The following LRRN3 variants were observed in gnomAD, a reference collection of about 807,000 sequenced individuals.
The protein encoded by LRRN3 is leucine rich repeat neuronal 3, also known as leucine-rich repeat neuronal protein 3.
A neutral mutation model predicts 40.1 loss-of-function variants in LRRN3; 15 were observed. That is an observed-to-expected ratio of 0.37 (90% CI 0.25 to 0.58). The LOEUF is 0.58. Ranked by LOEUF, LRRN3 falls within the 20% of genes least tolerant of loss-of-function variation. The pLI is 0.72. For synonymous variants in LRRN3, 308 were observed against 297.2 expected (o/e 1.04, Z -0.37); for missense variants, 746 against 837.7 (o/e 0.89, Z 1.35).
At chr7:111,092,365 T>C (rs1468910030) in intron 1 of LRRN3, among the ~76,000 whole-genome samples, 1 of 152,228 alleles carries the variant, frequency 6.6e-6, no homozygotes, top group Non-Finnish European at 1.5e-5. Context: ...CTATATTCCC[T>C]TTGCTGTTGT....
chr7:111,108,604 G>C (rs1354125919), intron 2 of LRRN3, among the ~76,000 whole-genome samples: 1 of 152,060 alleles, frequency 6.6e-6, no homozygotes, highest in Non-Finnish European at 1.5e-5. Context: ...TGGCTTAGAA[G>C]AAATTTATGA....
At chr7:111,106,942 C>T (rs1798614493) in intron 2 of LRRN3, among the ~76,000 whole-genome samples, 1 of 151,654 alleles carries the variant, frequency 6.6e-6, no homozygotes, top group Non-Finnish European at 1.5e-5. Context: ...AATAGCATTT[C>T]TAATATGTTA....
chr7:111,097,796 T>A (rs552935082), intron 1 of LRRN3, among the ~76,000 whole-genome samples: 1 of 151,986 alleles, frequency 6.6e-6, no homozygotes, highest in African/African-American at 2.4e-5. Flanking sequence ...GTATTCAACA[T>A]CTGTAGAATA....
At chr7:111,119,585 G>C (rs1800334811) in intron 2 of LRRN3, among the ~76,000 whole-genome samples, 1 of 152,140 alleles carries the variant, frequency 6.6e-6, no homozygotes, top group Admixed American at 6.6e-5. Context: ...ACACAAATTT[G>C]ATGTTAGTAA....
At position 111,124,628 on chromosome 7, in the gene LRRN3, A is replaced by G. The variant is rs138336165; in HGVS notation, c.1856A>G (p.Lys619Arg). Residue 619 changes from lysine to arginine, a missense_variant, in exon 3 of 3, where the codon AAA becomes AGA. Coordinates refer to ENST00000308478, the MANE Select transcript of LRRN3 (RefSeq NM_001099658.2). ...VTTKGLHPDQ[K>R]EYEKNNTTTL... ...ACCAAAGGTTTGCACCCTGATCAAA[A>G]AGAGTATGAAAAGAATAATACCACA... 13 of 1,613,922 alleles carry G rather than the reference A, an allele frequency of 8.1e-6. No individual in the cohort carries two copies. In the African/African-American group the frequency reaches 1.7e-4, roughly 22 times the overall value.
chr7:111,119,497 G>T (rs1800319607), intron 2 of LRRN3, among the ~76,000 whole-genome samples: 1 of 152,150 alleles, frequency 6.6e-6, no homozygotes, highest in African/African-American at 2.4e-5. Context: ...AGATATAATA[G>T]ATTAACTTTT....
At chr7:111,119,141 A>C (rs1800266994) in intron 2 of LRRN3, among the ~76,000 whole-genome samples, 1 of 152,192 alleles carries the variant, frequency 6.6e-6, no homozygotes, top group Non-Finnish European at 1.5e-5. Context: ...AGCAGACCTA[A>C]CGAATTAATT....
At chr7:111,094,695 T>G (rs1355483191) in intron 1 of LRRN3, among the ~76,000 whole-genome samples, 1 of 152,124 alleles carries the variant, frequency 6.6e-6, no homozygotes, top group African/African-American at 2.4e-5. Context: ...GCTCAGGGAA[T>G]TCCTCTCCTC....
intron 2 of LRRN3, among the ~76,000 whole-genome samples, chr7:111,117,376 T>A (rs997348095): frequency 6.6e-6 from 1 of 152,042 alleles, no homozygotes; most frequent in Non-Finnish European, 1.5e-5. Context: ...GAAAGTGAGG[T>A]ATCCTGTCCC....
At chr7:111,098,886 C>T (rs2129579500) in intron 1 of LRRN3, among the ~76,000 whole-genome samples, 1 of 151,816 alleles carries the variant, frequency 6.6e-6, no homozygotes, top group East Asian at 1.9e-4. Flanking sequence ...TATCGCCTTC[C>T]AAGAGTCAGA....
At chr7:111,106,780 C>T (rs1276775905) in intron 2 of LRRN3, among the ~76,000 whole-genome samples, 2 of 149,164 alleles carry the variant, frequency 1.3e-5, no homozygotes. Flanking sequence ...TTCTGCTGTA[C>T]CATTTAATCA....
chr7:111,106,052 A>G (rs1798512975), intron 2 of LRRN3, among the ~76,000 whole-genome samples: 1 of 152,028 alleles, frequency 6.6e-6, no homozygotes, highest in Non-Finnish European at 1.5e-5. Context: ...TATTTGTAAT[A>G]TCACAGTAAC....
Position 111,124,550 on chromosome 7 carries a change from T to C in LRRN3, c.1778T>C (p.Ile593Thr). The C allele has an allele frequency of 1.9e-6, 3 of 1,613,680 alleles. No individual in the cohort carries two copies. The highest frequency in any genetic ancestry group is 2.5e-6 in the Non-Finnish European group (3 of 1,179,804). The change falls in exon 3 of 3, where the codon ATT (isoleucine) becomes ACT (threonine). Residue 593 changes from isoleucine (I) to threonine (T), a missense_variant. Physicochemically the swap from Ile to Thr is moderately conservative, Grantham distance 89. Transcript: ENST00000308478. ...LNPSTEYKIC[I>T]DIPTIYQKNR... ...CCATCAACTGAGTATAAAATTTGTA[T>C]TGATATTCCCACCATCTATCAGAAA...
intron 2 of LRRN3, among the ~76,000 whole-genome samples, chr7:111,107,596 C>A (rs961589458): frequency 1.3e-5 from 2 of 152,078 alleles, no homozygotes; most frequent in Non-Finnish European, 2.9e-5. Context: ...TTTACTTTAT[C>A]TGAATAGAAT....
intron 2 of LRRN3, among the ~76,000 whole-genome samples, chr7:111,118,864 C>A (rs1800230962): frequency 6.6e-6 from 1 of 152,152 alleles, no homozygotes; most frequent in South Asian, 2.1e-4. Flanking sequence ...AATATGCTCA[C>A]CACTATAAAC....
chr7:111,091,241 G>A lies in LRRN3; in HGVS notation c.-704G>A, dbSNP rs1465163659. The A allele has an allele frequency of 6.6e-6, 1 of 152,198 alleles. No homozygotes were observed. Among genetic ancestry groups the A allele is most frequent in the African/African-American group, 2.4e-5 (1 of 41,454 alleles). 9.4% of individuals were successfully genotyped at this position (152,198 alleles called of 1,614,324 possible). A position where few individuals can be genotyped will look rare whatever the true frequency, so the allele number is the denominator to read the frequency against. On this transcript the variant is annotated 5_prime_UTR_variant, in exon 1 of 3. Coordinates refer to ENST00000308478, the MANE Select transcript of LRRN3 (RefSeq NM_001099658.2). ...ACTGGATTGAGAGCCTCAGCCTGCC[G>A]ACTGAGAAAAAGAGTTCCAGGAAAA...
At position 111,123,953 on chromosome 7, in the gene LRRN3, T is replaced by C. The variant is rs764361733; in HGVS notation, c.1181T>C (p.Leu394Pro). The C allele has an allele frequency of 1.2e-6, 2 of 1,614,004 alleles. No individual in the cohort carries two copies. The highest frequency in any genetic ancestry group is 1.1e-5 in the South Asian group (1 of 91,082). The change falls in exon 3 of 3, where the codon CTG becomes CCG. Residue 394 changes from leucine to proline, a missense_variant. Coordinates refer to ENST00000308478, the MANE Select transcript of LRRN3 (RefSeq NM_001099658.2). The surrounding 1 kb of genome is among the most constrained non-coding windows in gnomAD (Gnocchi z 6.4). ...ATTCGATTCATGGAGCCAGATTCAC[T>C]GTTTTGCGTGGACCCACCTGAATTC... is the stretch of plus-strand genomic sequence containing the variant. ...TNIRFMEPDS[L>P]FCVDPPEFQG...
intron 2 of LRRN3, among the ~76,000 whole-genome samples, chr7:111,112,019 C>T (rs1217253726): frequency 1.5e-5 from 2 of 137,734 alleles, no homozygotes; most frequent in African/African-American, 2.8e-5. Context: ...GCGATCTCGG[C>T]TCACTGCAAC....
chr7:111,096,459 C>T (rs1279939705), intron 1 of LRRN3, among the ~76,000 whole-genome samples: 1 of 150,530 alleles, frequency 6.6e-6, no homozygotes, highest in East Asian at 2.0e-4. Context: ...AAATTAAAAT[C>T]TTTATTTCTT....
Sources: allele counts gnomAD v4.1 joint callset (sites outside exome capture counted in the v4.1 genomes callset), GRCh38; gene constraint gnomAD v4.1.1; non-coding constraint Gnocchi (gnomAD v3.1); transcripts MANE v1.5; gene names NCBI Gene and HGNC (gene_info 2026-07-23, HGNC 2026-07-21).